Variants in SLC30A8 observed in about 807,000 individuals in gnomAD.
SLC30A8 encodes proton-coupled zinc antiporter SLC30A8.
SLC30A8 carries 27 observed loss-of-function variants against 36.9 expected under a neutral mutation model. The ratio of observed to expected loss-of-function variants is 0.73; its 90% confidence interval spans 0.54 to 1.01. The LOEUF (loss-of-function observed/expected upper bound fraction) is 1.01. SLC30A8 is among the 50% of genes least tolerant of loss of function. The pLI, the probability that SLC30A8 is intolerant of heterozygous loss-of-function variation, is 0.00. For synonymous variants in SLC30A8, 164 were observed against 172.4 expected (o/e 0.95, Z 0.38); for missense variants, 439 against 452.0 (o/e 0.97, Z 0.26).
intron 2 of SLC30A8, among the ~76,000 whole-genome samples, chr8:117,046,327 T>C (rs1233478000): frequency 2.6e-5 from 4 of 152,226 alleles, no homozygotes; most frequent in Admixed American, 6.5e-5. Context: ...TCTAAACATC[T>C]TTCTCACCAT....
chr8:117,031,201 G>A (rs997744095), intron 1 of SLC30A8, among the ~76,000 whole-genome samples: 80 of 148,212 alleles, frequency 5.4e-4, no homozygotes, highest in African/African-American at 1.8e-3. Flanking sequence ...CTGTGTATTC[G>A]ATACTATATT....
At chr8:117,117,076 G>C (rs1466594628) in intron 2 of SLC30A8, among the ~76,000 whole-genome samples, 2 of 151,916 alleles carry the variant, frequency 1.3e-5, no homozygotes, top group African/African-American at 4.8e-5. Context: ...GTAGCTATCA[G>C]CATTTTTGTC....
intron 2 of SLC30A8, among the ~76,000 whole-genome samples, chr8:117,045,879 T>C (rs1817534370): frequency 6.6e-6 from 1 of 151,840 alleles, no homozygotes; most frequent in Non-Finnish European, 1.5e-5. Flanking sequence ...TTTCTGCCTC[T>C]GGTTCTTTAC....
chr8:117,146,813 T>C (rs1821918356), intron 1 of SLC30A8, 141 bp from the exon 2 acceptor site: 1 of 1,440,564 alleles, frequency 6.9e-7, no homozygotes, highest in Non-Finnish European at 9.1e-7. Flanking sequence ...TGATATTTTC[T>C]TGTAGAAGGA....
At chr8:117,089,839 T>C (rs1333541640) in intron 2 of SLC30A8, among the ~76,000 whole-genome samples, 4 of 152,158 alleles carry the variant, frequency 2.6e-5, no homozygotes, top group African/African-American at 4.8e-5. Flanking sequence ...TCATGCACAT[T>C]GCTTACCTCT....
intron 2 of SLC30A8, among the ~76,000 whole-genome samples, chr8:117,043,591 A>AT (rs1325390350): frequency 6.6e-6 from 1 of 152,250 alleles, no homozygotes; most frequent in Non-Finnish European, 1.5e-5. Context: ...AAACAGGGGT[A>AT]TTTTAACTTG....
chr8:117,019,448 T>C (rs1298409972), intron 1 of SLC30A8, among the ~76,000 whole-genome samples: 4 of 152,238 alleles, frequency 2.6e-5, no homozygotes, highest in African/African-American at 9.6e-5. Flanking sequence ...CATTGCCTAA[T>C]TAAGAGCCAT....
At chr8:117,097,712 AAT>A (rs534991938) in intron 2 of SLC30A8, among the ~76,000 whole-genome samples, 1 of 37,802 alleles carries the variant, frequency 2.6e-5, no homozygotes, top group Admixed American at 4.8e-4. Flanking sequence ...AATTTTAAAT[AAT>A]ATATATTATA....
chr8:117,119,039 G>C (rs1014647219), intron 2 of SLC30A8, among the ~76,000 whole-genome samples: 2 of 151,806 alleles, frequency 1.3e-5, no homozygotes, highest in Non-Finnish European at 2.9e-5. Context: ...CCTTTTGTTT[G>C]GCTCCCATGG....
intron 1 of SLC30A8, among the ~76,000 whole-genome samples, chr8:116,999,356 GCAA>G (rs1484692270): frequency 2.0e-5 from 3 of 152,134 alleles, no homozygotes; most frequent in Non-Finnish European, 4.4e-5. Flanking sequence ...GCATGTAAAG[GCAA>G]CGATAGAGGA....
rs571853834 is a variant in SLC30A8 at position 117,168,288 on chromosome 8, T to A, written c.830-2746T>A. ...TCAACAGCATATGAAAGTGCCCCTT[T>A]CCTCACATCATCACAACCACTGAGT... On this transcript the variant is annotated intron_variant, in intron 6 of 7. Coordinates refer to ENST00000456015, the MANE Select transcript of SLC30A8 (RefSeq NM_173851.3). Among the ~76,000 whole-genome samples the A allele has an allele frequency of 8.1e-4, 123 of 152,274 alleles. 2 individuals carry two copies. Among genetic ancestry groups the A allele is most frequent in the Non-Finnish European group, 8.7e-4 (59 of 68,016 alleles).
At chr8:117,146,857 AT>A in intron 1 of SLC30A8, 96 bp from the exon 2 acceptor site, 5 of 1,544,396 alleles carry the variant, frequency 3.2e-6, no homozygotes, top group Non-Finnish European at 4.4e-6. Context: ...AAGTAAGCAA[AT>A]GTCCTAATAG....
intron 2 of SLC30A8, among the ~76,000 whole-genome samples, chr8:117,090,410 T>TA (rs1819064477): frequency 1.3e-5 from 2 of 152,332 alleles, no homozygotes; most frequent in East Asian, 1.9e-4. Context: ...TGGGCTACTG[T>TA]AAAAAACTAT....
chr8:117,005,393 G>A (rs531516800), intron 1 of SLC30A8, among the ~76,000 whole-genome samples: 5 of 152,254 alleles, frequency 3.3e-5, no homozygotes, highest in Non-Finnish European at 5.9e-5. Context: ...GTTGTAGTAC[G>A]TATCAGTGTT....
At chr8:117,106,687 A>G (rs1324001306) in intron 2 of SLC30A8, among the ~76,000 whole-genome samples, 2 of 152,072 alleles carry the variant, frequency 1.3e-5, no homozygotes, top group African/African-American at 2.4e-5. Flanking sequence ...ATCTAATTAG[A>G]CCATTTGATT....
At chr8:116,963,598 T>C (rs562990355) in intron 1 of SLC30A8, among the ~76,000 whole-genome samples, 84 of 152,382 alleles carry the variant, frequency 5.5e-4, no homozygotes, top group African/African-American at 1.9e-3. Flanking sequence ...ATCCTTTCTT[T>C]TTATGGCTGA....
chr8:116,986,224 G>T (rs1208171087), intron 1 of SLC30A8, among the ~76,000 whole-genome samples: 1 of 151,944 alleles, frequency 6.6e-6, no homozygotes, highest in African/African-American at 2.4e-5. Context: ...ACACATATAT[G>T]TGTTCATCTA....
At chr8:117,156,786 T>C (rs1822510371) in intron 3 of SLC30A8, among the ~76,000 whole-genome samples, 1 of 152,152 alleles carries the variant, frequency 6.6e-6, no homozygotes. Context: ...TTGGAAAACG[T>C]TATGAAGGTT....
At chr8:117,115,062 C>T (rs1820388519) in intron 2 of SLC30A8, among the ~76,000 whole-genome samples, 1 of 151,930 alleles carries the variant, frequency 6.6e-6, no homozygotes, top group Admixed American at 6.6e-5. Flanking sequence ...GCTTGTGCCC[C>T]CATGCCTGGC....
Sources: allele counts gnomAD v4.1 joint callset (sites outside exome capture counted in the v4.1 genomes callset), GRCh38; gene constraint gnomAD v4.1.1; transcripts MANE v1.5; gene names NCBI Gene and HGNC (gene_info 2026-07-23, HGNC 2026-07-21).